Variants in PREX2 observed in about 807,000 individuals in gnomAD.
PREX2 encodes the protein phosphatidylinositol-3,4,5-trisphosphate dependent Rac exchange factor 2, also known as phosphatidylinositol 3,4,5-trisphosphate-dependent Rac exchanger 2 protein.
A neutral mutation model predicts 203.2 loss-of-function variants in PREX2; 107 were observed. That is an observed-to-expected ratio of 0.53 (90% CI 0.45 to 0.62). PREX2 has a LOEUF of 0.62. Ranked by LOEUF, PREX2 falls within the 20% of genes least tolerant of loss-of-function variation. PREX2 has a pLI of 0.00. For synonymous variants in PREX2, 672 were observed against 663.6 expected (o/e 1.01, Z -0.19); for missense variants, 1,777 against 1,955.9 (o/e 0.91, Z 1.72).
intron 6 of PREX2, 124 bp from the exon 7 acceptor site, chr8:68,038,035 C>T (rs1808085303): frequency 2.0e-6 from 2 of 989,112 alleles, no homozygotes; most frequent in South Asian, 1.6e-5. Flanking sequence ...CTACTGCTTG[C>T]ACTTTAGCCT....
rs542715188 is a variant in PREX2, at chr8:68,108,158, A to G, written c.2765A>G (p.Lys922Arg). The change falls in exon 24 of 40, where the codon AAA becomes AGA. Residue 922 changes from lysine (K) to arginine (R), a missense_variant. Physicochemically the swap from Lys to Arg is conservative, Grantham distance 26 (BLOSUM62 2). Coordinates refer to ENST00000288368, the MANE Select transcript of PREX2 (RefSeq NM_024870.4). ...GCCTGGCCTACTTTTAAACAGGCCA[A>G]ATCTAAAATCTCCCCACTGCACAGC... ...NRAWPTFKQA[K>R]SKISPLHSSD... is the part of the protein sequence containing the mutation. 6.2e-7 allele frequency: 1 copy of G among 1,613,946 alleles called. No individual in the cohort carries two copies. The highest frequency in any genetic ancestry group is 1.7e-5 in the Admixed American group (1 of 59,986).
At chr8:68,126,018 A>G (rs1810878744) in intron 30 of PREX2, among the ~76,000 whole-genome samples, 1 of 152,072 alleles carries the variant, frequency 6.6e-6, no homozygotes, top group South Asian at 2.1e-4. Flanking sequence ...AAGACTAAAC[A>G]CATTGATCTG....
At chr8:67,961,615 A>G (rs1408738016) in intron 1 of PREX2, among the ~76,000 whole-genome samples, 1 of 152,130 alleles carries the variant, frequency 6.6e-6, no homozygotes, top group Non-Finnish European at 1.5e-5. Flanking sequence ...TCACATGATG[A>G]TACATCTAAT....
chr8:67,987,058 C>A (rs932107778), intron 1 of PREX2, among the ~76,000 whole-genome samples: 7 of 144,904 alleles, frequency 4.8e-5, no homozygotes, highest in African/African-American at 1.8e-4. Context: ...GAAGCTGAGG[C>A]AGGAGAATGG....
intron 1 of PREX2, among the ~76,000 whole-genome samples, chr8:67,957,246 T>C (rs1170882859): frequency 1.3e-5 from 2 of 152,246 alleles, no homozygotes; most frequent in African/African-American, 2.4e-5. Context: ...AATGATATTC[T>C]TATAAATGCT....
intron 37 of PREX2, among the ~76,000 whole-genome samples, chr8:68,194,963 T>C (rs916197723): frequency 2.6e-5 from 4 of 152,154 alleles, no homozygotes; most frequent in African/African-American, 7.2e-5. Context: ...CATCATTGCC[T>C]TGAGTATTTG....
intron 35 of PREX2, among the ~76,000 whole-genome samples, chr8:68,190,807 T>C (rs1812277580): frequency 6.6e-6 from 1 of 151,778 alleles, no homozygotes; most frequent in African/African-American, 2.4e-5. Context: ...CATTTTACCA[T>C]CACTAAAAAA....
At chr8:68,116,816 A>G (rs1434759) in intron 26 of PREX2, among the ~76,000 whole-genome samples, 74,179 of 151,960 alleles carry the variant, frequency 0.49, 18,902 homozygotes, top group African/African-American at 0.64. Flanking sequence ...TATGAATTTT[A>G]TTGGGAGACC....
intron 1 of PREX2, among the ~76,000 whole-genome samples, chr8:67,984,682 G>A (rs901349319): frequency 1.3e-5 from 2 of 152,166 alleles, no homozygotes; most frequent in African/African-American, 2.4e-5. Flanking sequence ...CAGGTCTGCC[G>A]GTTCCAGCTG....
At chr8:68,214,242 A>G (rs1318616724) in intron 37 of PREX2, among the ~76,000 whole-genome samples, 2 of 152,114 alleles carry the variant, frequency 1.3e-5, no homozygotes, top group Non-Finnish European at 2.9e-5. Flanking sequence ...TCCACAAAAA[A>G]TACAAAAGTT....
intron 21 of PREX2, chr8:68,095,112 T>A (rs948248627): frequency 3.9e-5 from 6 of 152,254 alleles, no homozygotes; most frequent in African/African-American, 1.4e-4. Flanking sequence ...GGTTGGGGTG[T>A]GCCACCCTCC....
rs548719646 is a variant in PREX2, at chr8:67,998,234, TGAATG to T, written c.142-19611_142-19607del. Among the ~76,000 whole-genome samples, 554 of 152,302 alleles carry T rather than the reference TGAATG, an allele frequency of 3.6e-3. 5 individuals carry two copies. The highest frequency in any genetic ancestry group is 0.013 in the African/African-American group (528 of 41,576). ...AAGTTCTCTTTCTATCCTGCCACCC[TGAATG>T]CTGGAAGGTCTCAGAAGGATGCCTC... is the stretch of plus-strand genomic sequence containing the variant. On this transcript the variant is annotated intron_variant, in intron 1 of 39. Transcript: ENST00000288368.
At chr8:68,208,447 G>GA (rs1056224996) in intron 37 of PREX2, among the ~76,000 whole-genome samples, 9 of 148,454 alleles carry the variant, frequency 6.1e-5, no homozygotes, top group African/African-American at 9.9e-5. Flanking sequence ...TGAGGCCACT[G>GA]AAAAAAAAAA....
intron 1 of PREX2, among the ~76,000 whole-genome samples, chr8:68,009,017 A>G (rs1347661033): frequency 2.6e-5 from 4 of 152,250 alleles, no homozygotes; most frequent in Admixed American, 6.5e-5. Context: ...TGAAATAAAT[A>G]TGAAACCAAT....
At chr8:68,171,136 G>A (rs775438717) in intron 35 of PREX2, among the ~76,000 whole-genome samples, 2 of 152,100 alleles carry the variant, frequency 1.3e-5, no homozygotes, top group African/African-American at 2.4e-5. Flanking sequence ...AATGAATTTT[G>A]GGGGCTTATG....
chr8:68,037,423 C>T (rs1219494115), intron 6 of PREX2, among the ~76,000 whole-genome samples: 1 of 152,132 alleles, frequency 6.6e-6, no homozygotes, highest in East Asian at 1.9e-4. Context: ...GCATCTCCCA[C>T]CACAGTCCGA....
At chr8:68,149,451 A>C (rs1811390379) in intron 34 of PREX2, among the ~76,000 whole-genome samples, 1 of 152,184 alleles carries the variant, frequency 6.6e-6, no homozygotes, top group Non-Finnish European at 1.5e-5. Flanking sequence ...TAACCAACCA[A>C]ACTGCTAGAG....
intron 1 of PREX2, among the ~76,000 whole-genome samples, chr8:68,003,664 C>T (rs1265552595): frequency 6.6e-6 from 1 of 152,018 alleles, no homozygotes; most frequent in Non-Finnish European, 1.5e-5. Context: ...GATTTTTATT[C>T]AGTTGGGAAA....
At position 68,115,787 on chromosome 8, in the gene PREX2, G is replaced by A. The variant is rs1810643789; in HGVS notation, c.3181G>A (p.Glu1061Lys). The change falls in exon 26 of 40, where the codon GAA becomes AAA. Residue 1061 changes from glutamate to lysine, a missense_variant. Physicochemically the swap from Glu to Lys is moderately conservative, Grantham distance 56. Transcript: ENST00000288368. ...LSSITYSPKLERKTSEGIIPT... is the reference protein window; with the variant it reads ...LSSITYSPKLKRKTSEGIIPT... ...TTCAATAACATATTCTCCTAAATTA[G>A]AACGTAAGACATCAGAGGGCATAAT... is the stretch of plus-strand genomic sequence containing the variant. 6.2e-7 allele frequency: 1 copy of A among 1,610,820 alleles called. No individual in the cohort carries two copies. The highest frequency in any genetic ancestry group is 8.5e-7 in the Non-Finnish European group (1 of 1,179,178).
Sources: allele counts gnomAD v4.1 joint callset (sites outside exome capture counted in the v4.1 genomes callset), GRCh38; gene constraint gnomAD v4.1.1; transcripts MANE v1.5; gene names NCBI Gene and HGNC (gene_info 2026-07-23, HGNC 2026-07-21).